The following SDK1 variants were observed in gnomAD, a reference collection of about 807,000 sequenced individuals.
SDK1 encodes sidekick cell adhesion molecule 1.
Under a neutral mutation model 245.5 loss-of-function variants are expected in SDK1, and 157 were observed. The observed-to-expected ratio is 0.64, with a 90% confidence interval of 0.56 to 0.73. SDK1 has a LOEUF of 0.73. Ranked by LOEUF, SDK1 falls within the 30% of genes least tolerant of loss-of-function variation. The probability of loss-of-function intolerance (pLI) is 0.00; values close to 1 mark genes in which losing one functional copy is unlikely to be tolerated. For missense variants in SDK1, 3,583 were observed against 3,002.3 expected (o/e 1.19, Z -4.52); for synonymous variants, 1,647 against 1,278.5 (o/e 1.29, Z -6.15).
intron 4 of SDK1, among the ~76,000 whole-genome samples, chr7:3,730,082 CT>C (rs1223012820): frequency 6.6e-6 from 1 of 152,076 alleles, no homozygotes; most frequent in East Asian, 1.9e-4. Flanking sequence ...TTGATGGCCC[CT>C]AGCAGGAAAT....
At chr7:4,175,973 C>T in intron 34 of SDK1, 139 bp downstream of exon 34, 2 of 691,926 alleles carry the variant, frequency 2.9e-6, no homozygotes, top group East Asian at 2.7e-5. Flanking sequence ...CGCTGCGTCT[C>T]CACATACCAA....
At chr7:3,567,230 A>G (rs1363802481) in intron 1 of SDK1, among the ~76,000 whole-genome samples, 1 of 152,164 alleles carries the variant, frequency 6.6e-6, no homozygotes, top group Non-Finnish European at 1.5e-5. Flanking sequence ...ATGTTTGTTT[A>G]TTAGCTTTGC....
chr7:4,121,425 T>C (rs1367036287), intron 25 of SDK1, among the ~76,000 whole-genome samples: 1 of 152,170 alleles, frequency 6.6e-6, no homozygotes. Context: ...TCTCACAAGA[T>C]CTGATGGTTT....
chr7:4,218,982 T>C (rs557919618), intron 38 of SDK1, among the ~76,000 whole-genome samples: 43 of 152,274 alleles, frequency 2.8e-4, no homozygotes, highest in Non-Finnish European at 4.3e-4. Flanking sequence ...TAATTTTCAA[T>C]ATTTATTCTC....
At chr7:3,490,790 ATCCCACATT>A (rs1781841559) in intron 1 of SDK1, among the ~76,000 whole-genome samples, 1 of 152,192 alleles carries the variant, frequency 6.6e-6, no homozygotes, top group Non-Finnish European at 1.5e-5. Context: ...GGGGCTGCAC[ATCCCACATT>A]TGGGTAGATG....
intron 1 of SDK1, among the ~76,000 whole-genome samples, chr7:3,421,113 C>T (rs1356500302): frequency 2.0e-5 from 3 of 147,622 alleles, no homozygotes. Flanking sequence ...TTTTGGTGGC[C>T]CAGGCTGGAG....
intron 1 of SDK1, among the ~76,000 whole-genome samples, chr7:3,565,531 A>G (rs1442646532): frequency 6.6e-6 from 1 of 152,238 alleles, no homozygotes; most frequent in Non-Finnish European, 1.5e-5. Context: ...TGGTCATCTT[A>G]ACAGAATTTA....
chr7:3,809,268 G>C (rs116052140), intron 4 of SDK1, among the ~76,000 whole-genome samples: 4 of 152,250 alleles, frequency 2.6e-5, no homozygotes, highest in Admixed American at 1.3e-4. Context: ...AGTCACTATC[G>C]TGAGGACAGC....
At chr7:3,807,672 T>C (rs993145646) in intron 4 of SDK1, among the ~76,000 whole-genome samples, 1 of 152,158 alleles carries the variant, frequency 6.6e-6, no homozygotes, top group Admixed American at 6.5e-5. Flanking sequence ...CTCCCTGGCA[T>C]GTTGTCTCAC....
chr7:4,030,408 C>T (rs964284670), intron 17 of SDK1, among the ~76,000 whole-genome samples: 1 of 152,208 alleles, frequency 6.6e-6, no homozygotes, highest in Non-Finnish European at 1.5e-5. Flanking sequence ...ATGATGTACA[C>T]CCTGCACGAG....
At chr7:3,787,672 CT>C (rs1326214749) in intron 4 of SDK1, among the ~76,000 whole-genome samples, 1 of 152,120 alleles carries the variant, frequency 6.6e-6, no homozygotes, top group East Asian at 1.9e-4. Flanking sequence ...CCTACCTGTC[CT>C]TTCCTTATAA....
intron 4 of SDK1, among the ~76,000 whole-genome samples, chr7:3,705,002 A>G (rs2115011733): frequency 6.6e-6 from 1 of 152,182 alleles, no homozygotes; most frequent in East Asian, 1.9e-4. Flanking sequence ...GATTTTAAGT[A>G]TTTGGCTTTA....
At chr7:3,509,118 G>A (rs139854168) in intron 1 of SDK1, among the ~76,000 whole-genome samples, 1,980 of 151,996 alleles carry the variant, frequency 0.013, 38 homozygotes, top group South Asian at 0.079. Flanking sequence ...ACATGCGTGT[G>A]ATACTCAGAC....
chr7:3,693,340 G>A (rs899669952), intron 4 of SDK1, among the ~76,000 whole-genome samples: 1 of 151,832 alleles, frequency 6.6e-6, no homozygotes, highest in Admixed American at 6.6e-5. Flanking sequence ...GGTTTGTATT[G>A]TTTCATAGTG....
At chr7:4,085,895 A>T (rs529727406) in intron 22 of SDK1, among the ~76,000 whole-genome samples, 1 of 152,280 alleles carries the variant, frequency 6.6e-6, no homozygotes. Context: ...TTTTAAACTA[A>T]TTCTTGAGGA....
At chr7:4,133,098 G>A (rs1057290470) in intron 28 of SDK1, among the ~76,000 whole-genome samples, 1 of 152,194 alleles carries the variant, frequency 6.6e-6, no homozygotes, top group Non-Finnish European at 1.5e-5. Context: ...TGGTTCCCAT[G>A]TTCCTGGAAA....
At chr7:3,375,848 T>C (rs900192846) in intron 1 of SDK1, among the ~76,000 whole-genome samples, 1 of 152,216 alleles carries the variant, frequency 6.6e-6, no homozygotes, top group South Asian at 2.1e-4. Flanking sequence ...ACTAAGCTGC[T>C]CCTGAATTTC....
rs181545267 is a variant in SDK1, at chr7:3,935,286, T to C, written c.848-15637T>C. On this transcript the variant is annotated intron_variant, in intron 5 of 44. Coordinates refer to ENST00000404826, the MANE Select transcript of SDK1 (RefSeq NM_152744.4). ...ATGCAAAATGGGTCAAAAACCTAAA[T>C]GTGAGACCTAGAACTATAAAACTCC... Among the ~76,000 whole-genome samples, 18 of 152,254 alleles carry C rather than the reference T, an allele frequency of 1.2e-4. No homozygotes were observed. In the East Asian group the frequency reaches 3.1e-3, roughly 26 times the overall value.
intron 1 of SDK1, among the ~76,000 whole-genome samples, chr7:3,387,216 T>G (rs754054823): frequency 2.0e-4 from 30 of 152,122 alleles, no homozygotes; most frequent in Non-Finnish European, 3.8e-4. Flanking sequence ...GATTGCCTAC[T>G]GAGGTTTTTC....
Sources: gnomAD v4.1 joint callset for allele counts (sites outside exome capture counted in the v4.1 genomes callset) on GRCh38, gnomAD v4.1.1 for gene constraint, MANE v1.5 for transcripts, NCBI Gene and HGNC (gene_info 2026-07-23, HGNC 2026-07-21) for gene names.